Variants in OSTN observed in about 807,000 individuals in gnomAD.
The protein encoded by OSTN is osteocrin.
A neutral mutation model predicts 12.0 loss-of-function variants in OSTN; 9 were observed. The ratio of observed to expected loss-of-function variants is 0.75; its 90% CI spans 0.45 to 1.30. The LOEUF is 1.30. Ranked by LOEUF, OSTN falls within the 50% of genes most tolerant of loss-of-function variation. The pLI is 0.00. For synonymous variants in OSTN, 59 were observed against 56.9 expected (o/e 1.04, Z -0.16); for missense variants, 148 against 152.3 (o/e 0.97, Z 0.15).
chr3:191,218,991 A>G, intron 3 of OSTN, 30 bp downstream of exon 3: 1 of 1,549,896 alleles, frequency 6.5e-7, no homozygotes, highest in Non-Finnish European at 8.8e-7. Context: ...GAAAGTTTTT[A>G]TTTTCTAATT....
chr3:191,247,647 T>C (rs2108550746), intron 3 of OSTN, among the ~76,000 whole-genome samples: 1 of 152,274 alleles, frequency 6.6e-6, no homozygotes, highest in East Asian at 1.9e-4. Context: ...CCGTATCAGG[T>C]TCCATGTCTA....
At position 191,203,630 on chromosome 3, in the gene OSTN, T is replaced by C. The variant is rs540241791; in HGVS notation, c.-1+4323T>C. Among the ~76,000 whole-genome samples, 32 of 152,316 alleles carry C rather than the reference T, an allele frequency of 2.1e-4. No individual in the cohort carries two copies. In the South Asian group the frequency reaches 6.6e-3, roughly 32 times the overall value. ...TTGTTGCCTTCAGGGACAGTCATTT[T>C]AAAATGTAGGTATCTGCCACATTAA... On this transcript the variant is annotated intron_variant, in intron 1 of 4. Coordinates refer to ENST00000682035, the MANE Select transcript of OSTN (RefSeq NM_198184.2).
intron 1 of OSTN, among the ~76,000 whole-genome samples, chr3:191,211,162 A>G (rs1487323938): frequency 2.0e-5 from 3 of 152,190 alleles, no homozygotes. Flanking sequence ...ATTGGTTTAT[A>G]TTTTATATGT....
intron 4 of OSTN, among the ~76,000 whole-genome samples, chr3:191,254,988 A>G (rs1715637702): frequency 6.6e-6 from 1 of 152,148 alleles, no homozygotes; most frequent in African/African-American, 2.4e-5. Context: ...TCAGAAAGTG[A>G]CATTCTTTAG....
In OSTN at chr3:191,261,167, C is replaced by G. The variant is rs147721902; in HGVS notation, c.*13-1699C>G. ...GCTCACTGCACCCAACTGAAGGTGC[C>G]AAGGGCTAACTTTAACCTTTGCCCC... On this transcript the variant is annotated intron_variant, in intron 4 of 4. Coordinates refer to ENST00000682035, the MANE Select transcript of OSTN (RefSeq NM_198184.2). Among the ~76,000 whole-genome samples the G allele has an allele frequency of 1.8e-3, 267 of 152,194 alleles. 1 individual carries two copies. The highest frequency in any genetic ancestry group is 6.1e-3 in the African/African-American group (254 of 41,512).
chr3:191,248,902 T>A (rs1270946389), intron 3 of OSTN, among the ~76,000 whole-genome samples: 1 of 152,192 alleles, frequency 6.6e-6, no homozygotes, highest in Non-Finnish European at 1.5e-5. Flanking sequence ...TAAGCCATGA[T>A]CACACCATCG....
intron 3 of OSTN, among the ~76,000 whole-genome samples, chr3:191,223,635 A>G (rs1248475615): frequency 6.6e-6 from 1 of 152,208 alleles, no homozygotes; most frequent in African/African-American, 2.4e-5. Context: ...TGAATTTTAT[A>G]AATCTTGTAC....
intron 1 of OSTN, among the ~76,000 whole-genome samples, chr3:191,207,390 T>G (rs1357053273): frequency 6.6e-6 from 1 of 152,028 alleles, no homozygotes; most frequent in African/African-American, 2.4e-5. Context: ...CTGAGTTGTT[T>G]TTTTTTTGTT....
intron 1 of OSTN, among the ~76,000 whole-genome samples, chr3:191,204,081 G>T (rs1427278210): frequency 6.6e-6 from 1 of 152,092 alleles, no homozygotes; most frequent in Non-Finnish European, 1.5e-5. Context: ...GTAGAAACGG[G>T]GTTTCACCGT....
chr3:191,249,769 C>A (rs1011691151), intron 3 of OSTN, among the ~76,000 whole-genome samples: 1 of 152,154 alleles, frequency 6.6e-6, no homozygotes, highest in Non-Finnish European at 1.5e-5. Flanking sequence ...TAAGACCTGG[C>A]TTTTGGTTTG....
chr3:191,213,464 A>G (rs1473866849), intron 2 of OSTN: 1 of 152,282 alleles, frequency 6.6e-6, no homozygotes, highest in Middle Eastern at 3.4e-3. Context: ...AAAAAGCTTT[A>G]AGAGAAAATC....
chr3:191,260,942 C>G (rs1715794761), intron 4 of OSTN, among the ~76,000 whole-genome samples: 1 of 152,178 alleles, frequency 6.6e-6, no homozygotes, highest in Non-Finnish European at 1.5e-5. Context: ...CAAGTTAAGT[C>G]ACATAAATCT....
intron 3 of OSTN, among the ~76,000 whole-genome samples, chr3:191,233,759 C>T (rs918412266): frequency 6.6e-6 from 1 of 152,084 alleles, no homozygotes; most frequent in East Asian, 1.9e-4. Flanking sequence ...TTTGGGAGGC[C>T]GAGGCAGGCA....
chr3:191,224,501 A>G (rs954951330), intron 3 of OSTN, among the ~76,000 whole-genome samples: 6 of 152,184 alleles, frequency 3.9e-5, no homozygotes, highest in African/African-American at 1.4e-4. Flanking sequence ...TAAAATATAC[A>G]TTATAAATCT....
intron 4 of OSTN, among the ~76,000 whole-genome samples, chr3:191,261,766 T>C (rs971963701): frequency 4.6e-5 from 7 of 152,250 alleles, no homozygotes; most frequent in African/African-American, 9.6e-5. Context: ...ATCATTAATA[T>C]ATTGTACCAA....
In OSTN at chr3:191,263,932, A is replaced by G. The variant is rs568571265; in HGVS notation, c.*1079A>G. The G allele has an allele frequency of 7.9e-5, 11 of 139,852 alleles. No homozygotes were observed. The South Asian group carries it at 2.6e-3, about 33-fold the overall frequency. The allele number at this position is 139,852 out of a possible 1,614,324, so 8.7% of individuals were successfully genotyped here. A position where few individuals can be genotyped will look rare whatever the true frequency, so the allele number is the denominator to read the frequency against. On this transcript the variant is annotated 3_prime_UTR_variant, in exon 5 of 5. Coordinates refer to ENST00000682035, the MANE Select transcript of OSTN (RefSeq NM_198184.2). The stretch of plus-strand genomic sequence containing the variant: ...GACACATAGGTCCATTGTGCATTGG[A>G]TATACTTTGAAAACACACAAAAAAA...
chr3:191,203,868 AC>A (rs1456545709), intron 1 of OSTN, among the ~76,000 whole-genome samples: 1 of 152,126 alleles, frequency 6.6e-6, no homozygotes, highest in East Asian at 1.9e-4. Flanking sequence ...TGGGAAGAAC[AC>A]ATTCCTGATA....
intron 4 of OSTN, among the ~76,000 whole-genome samples, chr3:191,261,223 C>T (rs555668133): frequency 2.8e-4 from 43 of 152,146 alleles, no homozygotes; most frequent in African/African-American, 9.4e-4. Context: ...CACTGACATG[C>T]GGCAGATGTA....
rs71175391 is a variant in OSTN at position 191,257,185 on chromosome 3, C to CAAAA, written c.*13-5660_*13-5657dup. On this transcript the variant is annotated intron_variant, in intron 4 of 4. Transcript: ENST00000682035. ...TGGGTGACAGAGCAAAACCCTCTCT[C>CAAAA]AAAAAAAAAAAAAAAAAAAAAAAAG... 4.8e-3 allele frequency among the ~76,000 whole-genome samples: 349 copies of CAAAA among 72,170 alleles called. 5 individuals are homozygous for CAAAA. The highest frequency in any genetic ancestry group is 0.015 in the African/African-American group (325 of 21,750). 47.3% of individuals were successfully genotyped at this position (72,170 alleles called of 152,430 possible). A position where few individuals can be genotyped will look rare whatever the true frequency, so the allele number is the denominator to read the frequency against.
Sources: allele counts gnomAD v4.1 joint callset (sites outside exome capture counted in the v4.1 genomes callset), GRCh38; gene constraint gnomAD v4.1.1; transcripts MANE v1.5; gene names NCBI Gene and HGNC (gene_info 2026-07-23, HGNC 2026-07-21).